Variants in PHB1 observed in about 807,000 individuals in gnomAD.
The protein encoded by PHB1 is prohibitin 1, also known as epididymis luminal protein 215.
chr17:49,404,509 T>G, the PHB1 span: 4 of 211,800 alleles, frequency 1.9e-5, no homozygotes, highest in African/African-American at 9.4e-5. Context: ...CCGGCACCTC[T>G]CTTCAGCAGC....
At chr17:49,405,895 C>A in the PHB1 span, among the ~76,000 whole-genome samples, 2,423 of 152,226 alleles carry the variant, frequency 0.016, 29 homozygotes, top group Middle Eastern at 0.037. Flanking sequence ...TCCAGGCACC[C>A]AGAGTGAGAT....
At chr17:49,408,739 C>G in the PHB1 span, 30 of 263,996 alleles carry the variant, frequency 1.1e-4, no homozygotes, top group African/African-American at 6.5e-4. Flanking sequence ...CTGTGTCAAA[C>G]AGGGTTAACA....
chr17:49,409,450 G>A, the PHB1 span: 31 of 1,608,530 alleles, frequency 1.9e-5, no homozygotes, highest in East Asian at 2.7e-4. Flanking sequence ...AGGATGCGCA[G>A]TGTGATGTTG....
At chr17:49,409,549 T>TTTG in the PHB1 span, 3 of 954,614 alleles carry the variant, frequency 3.1e-6, no homozygotes, top group African/African-American at 5.2e-5. Flanking sequence ...TTTTGTTTTT[T>TTTG]TTTTTTTTTG....
the PHB1 span, among the ~76,000 whole-genome samples, chr17:49,408,310 T>C: frequency 3.3e-5 from 5 of 152,190 alleles, no homozygotes; most frequent in Admixed American, 3.3e-4. Flanking sequence ...TCCCTAGCAA[T>C]GCACGGGAGA....
At chr17:49,413,356 A>G in the PHB1 span, 1 of 852,822 alleles carries the variant, frequency 1.2e-6, no homozygotes, top group Non-Finnish European at 1.9e-6. Context: ...GCCCTCTCTG[A>G]CACACAACAG....
chr17:49,411,191 GA>G, the PHB1 span, among the ~76,000 whole-genome samples: 1 of 144,804 alleles, frequency 6.9e-6, no homozygotes, highest in Non-Finnish European at 1.5e-5. Context: ...GGGAAGATTA[GA>G]AGCAGGCTTT....
chr17:49,413,332 A>G, the PHB1 span: 1 of 1,158,258 alleles, frequency 8.6e-7, no homozygotes, highest in African/African-American at 1.5e-5. Context: ...CTTGATGCCA[A>G]ATCCTCAGAG....
chr17:49,406,650 C>T, the PHB1 span: 8 of 802,628 alleles, frequency 1.0e-5, no homozygotes, highest in Middle Eastern at 3.5e-4. Flanking sequence ...CTGATTATCC[C>T]GGAAGAAGGG....
the PHB1 span, among the ~76,000 whole-genome samples, chr17:49,411,199 C>CTTTT: frequency 1.7e-5 from 2 of 117,452 alleles, no homozygotes; most frequent in African/African-American, 3.4e-5. Context: ...TAGAAGCAGG[C>CTTTT]TTTTTTTTTT....
the PHB1 span, among the ~76,000 whole-genome samples, chr17:49,410,939 T>C: frequency 6.6e-6 from 1 of 152,174 alleles, no homozygotes; most frequent in Non-Finnish European, 1.5e-5. Flanking sequence ...AATTATACTT[T>C]CCCCTGGACA....
At chr17:49,407,068 CTG>C in the PHB1 span, 1 of 572,062 alleles carries the variant, frequency 1.7e-6, no homozygotes, top group Non-Finnish European at 3.2e-6. Flanking sequence ...GTATATTACT[CTG>C]TCACTCTCAG....
At chr17:49,410,792 G>A in the PHB1 span, among the ~76,000 whole-genome samples, 80 of 152,294 alleles carry the variant, frequency 5.3e-4, no homozygotes, top group Non-Finnish European at 8.5e-4. Flanking sequence ...TGGGCCTTGC[G>A]GAAATGTTGG....
chr17:49,413,029 C>G, the PHB1 span: 3 of 632,656 alleles, frequency 4.7e-6, no homozygotes, highest in Non-Finnish European at 8.6e-6. Flanking sequence ...CAATGCAGTC[C>G]TGTGGTATGA....
the PHB1 span, among the ~76,000 whole-genome samples, chr17:49,406,277 G>A: frequency 2.6e-5 from 4 of 152,218 alleles, no homozygotes; most frequent in South Asian, 2.1e-4. Flanking sequence ...AAATGAACAT[G>A]TCTTTGCAAA....
chr17:49,408,812 G>T, the PHB1 span: 1 of 512,538 alleles, frequency 2.0e-6, no homozygotes. Flanking sequence ...GAGACTATCT[G>T]GATACAACCA....
At chr17:49,405,980 G>T in the PHB1 span, among the ~76,000 whole-genome samples, 4 of 152,202 alleles carry the variant, frequency 2.6e-5, no homozygotes, top group Non-Finnish European at 5.9e-5. Context: ...GTGTGAGGAA[G>T]AAGACAGTAT....
the PHB1 span, chr17:49,409,537 T>C: frequency 9.3e-7 from 1 of 1,077,338 alleles, no homozygotes; most frequent in Non-Finnish European, 1.3e-6. Flanking sequence ...CAAGTGTTTT[T>C]TTTTTGTTTT....
the PHB1 span, chr17:49,413,213 C>T: frequency 6.2e-7 from 1 of 1,612,478 alleles, no homozygotes; most frequent in East Asian, 2.2e-5. Context: ...CCTCCTGCAA[C>T]AGCTAAGGCC....
Sources: allele counts gnomAD v4.1 joint callset (sites outside exome capture counted in the v4.1 genomes callset), GRCh38; gene constraint gnomAD v4.1.1; transcripts MANE v1.5; gene names NCBI Gene and HGNC (gene_info 2026-07-23, HGNC 2026-07-21).